SPTBN1: variants seen among roughly 807,000 people sequenced by gnomAD.
SPTBN1 encodes spectrin beta, non-erythrocytic 1, also known as spectrin beta chain, non-erythrocytic 1.
Under a neutral mutation model 266.4 loss-of-function variants are expected in SPTBN1, and 32 were observed. That is an observed-to-expected ratio of 0.12 (90% CI 0.09 to 0.16). SPTBN1 has a LOEUF of 0.16. Ranked by LOEUF, SPTBN1 falls within the 10% of genes least tolerant of loss-of-function variation. The pLI is 1.00. For synonymous variants in SPTBN1, 1,336 were observed against 1,162.2 expected, an observed-to-expected ratio of 1.15 and a Z score of -3.04; for missense variants, 2,296 against 3,067.1, an observed-to-expected ratio of 0.75 and a Z score of 5.94.
chr2:54,497,868 C>T (rs764975661), intron 1 of SPTBN1, among the ~76,000 whole-genome samples: 11 of 152,204 alleles, frequency 7.2e-5, no homozygotes, highest in Non-Finnish European at 1.5e-4. Flanking sequence ...GGTTCCAGCT[C>T]TGCACAGCAG....
intron 11 of SPTBN1, 36 bp downstream of exon 11, chr2:54,624,998 A>G (rs763626454): frequency 1.2e-5 from 19 of 1,537,228 alleles, no homozygotes; most frequent in Admixed American, 2.1e-5. Context: ...GACTGTTGCT[A>G]GGGTAATCTA....
intron 10 of SPTBN1, among the ~76,000 whole-genome samples, chr2:54,624,254 C>T (rs1321964974): frequency 1.3e-5 from 2 of 152,028 alleles, no homozygotes; most frequent in African/African-American, 2.4e-5. Flanking sequence ...GAATTATAGG[C>T]GTGAGCCACT....
intron 3 of SPTBN1, among the ~76,000 whole-genome samples, chr2:54,610,280 A>G (rs539493996): frequency 4.7e-4 from 71 of 152,308 alleles, no homozygotes; most frequent in African/African-American, 1.6e-3. Flanking sequence ...CTGGTGTTAC[A>G]TTCTCCAGCC....
chr2:54,655,323 T>C (rs1418174126), intron 28 of SPTBN1, 115 bp downstream of exon 28: 8 of 1,340,728 alleles, frequency 6.0e-6, no homozygotes, highest in South Asian at 1.5e-5. Flanking sequence ...CACACACACA[T>C]ATGTTTTAAA....
At chr2:54,658,614 G>A (rs923515068) in intron 30 of SPTBN1, among the ~76,000 whole-genome samples, 3 of 152,194 alleles carry the variant, frequency 2.0e-5, no homozygotes, top group African/African-American at 7.2e-5. Context: ...TGTTTAAAAT[G>A]TACCTGCATA....
chr2:54,485,182 C>T (rs961252881), intron 1 of SPTBN1, among the ~76,000 whole-genome samples: 2 of 149,894 alleles, frequency 1.3e-5, no homozygotes, highest in African/African-American at 2.4e-5. Flanking sequence ...CCGTCTCCCT[C>T]TCCGTCTCCC....
intron 2 of SPTBN1, chr2:54,529,354 G>C (rs61746072): frequency 1.6e-6 from 1 of 609,436 alleles, no homozygotes; most frequent in South Asian, 1.5e-5. Context: ...AGATGGCACC[G>C]AAAGTGAAGA....
intron 1 of SPTBN1, among the ~76,000 whole-genome samples, chr2:54,487,070 A>G (rs72915014): frequency 0.032 from 4,858 of 152,064 alleles, 294 homozygotes; most frequent in African/African-American, 0.11. Flanking sequence ...ATCAATTCTG[A>G]ATCTGGTTTA....
chr2:54,523,263 G>A (rs991155582), intron 1 of SPTBN1, among the ~76,000 whole-genome samples: 2 of 152,172 alleles, frequency 1.3e-5, no homozygotes, highest in Admixed American at 6.5e-5. Flanking sequence ...AATTGCTAAC[G>A]TAGGTGTGAA....
chr2:54,488,376 T>C (rs530112906), intron 1 of SPTBN1, among the ~76,000 whole-genome samples: 1 of 152,202 alleles, frequency 6.6e-6, no homozygotes, highest in Non-Finnish European at 1.5e-5. Context: ...AGTCAGTGAC[T>C]CTCTGTTTTC....
Position 54,558,062 on chromosome 2 carries a change from T to G in SPTBN1, c.148+31496T>G. 1.0e-6 allele frequency: 1 copy of G among 985,414 alleles called. No individual in the cohort carries two copies. Among genetic ancestry groups the G allele is most frequent in the Non-Finnish European group, 1.2e-6 (1 of 829,926 alleles). 61.0% of individuals were successfully genotyped at this position (985,414 alleles called of 1,614,324 possible). ...AGGCCGTCCCGTGGGCGCGCTAGCC[T>G]TTTCAAGTGATAGTAATCGGAGACT... On this transcript the variant is annotated intron_variant, in intron 2 of 35. Transcript: ENST00000356805. This position sits in a 1 kb window ranked among gnomAD's most constrained non-coding sequence, Gnocchi z 4.6.
At position 54,558,575 on chromosome 2, in the gene SPTBN1, C is replaced by T. The variant is rs532237578; in HGVS notation, c.148+32009C>T. ...AGAAGGGAAAGCAAGAAATTAGATG[C>T]CTGTGTGGTAACTCCTCGCGGAGCT... On this transcript the variant is annotated intron_variant, in intron 2 of 35. Coordinates refer to ENST00000356805, the MANE Select transcript of SPTBN1 (RefSeq NM_003128.3). This position sits in a 1 kb window ranked among gnomAD's most constrained non-coding sequence, Gnocchi z 4.6. 157 of 1,356,822 alleles carry T rather than the reference C, an allele frequency of 1.2e-4. No individual in the cohort carries two copies. The African/African-American group carries it at 1.7e-3, about 15-fold the overall frequency. The allele number at this position is 1,356,822 out of a possible 1,614,324, so 84.0% of individuals were successfully genotyped here.
chr2:54,547,187 T>C (rs1672295851), intron 2 of SPTBN1, among the ~76,000 whole-genome samples: 1 of 152,216 alleles, frequency 6.6e-6, no homozygotes, highest in South Asian at 2.1e-4. Flanking sequence ...GTTTAACTAC[T>C]CAACATACTG....
intron 2 of SPTBN1, among the ~76,000 whole-genome samples, chr2:54,563,065 A>C (rs977498982): frequency 1.3e-5 from 2 of 152,140 alleles, no homozygotes; most frequent in Non-Finnish European, 2.9e-5. Flanking sequence ...TAACTCATCC[A>C]AGTTCACAGG....
intron 1 of SPTBN1, among the ~76,000 whole-genome samples, chr2:54,510,768 AAG>A (rs1447417305): frequency 6.6e-6 from 1 of 152,234 alleles, no homozygotes; most frequent in African/African-American, 2.4e-5. Context: ...GGAGATTTTA[AAG>A]AAATTCAGAG....
At chr2:54,471,457 C>G (rs2103863168) in intron 1 of SPTBN1, among the ~76,000 whole-genome samples, 1 of 150,132 alleles carries the variant, frequency 6.7e-6, no homozygotes, top group South Asian at 2.1e-4. Flanking sequence ...AAGCTCCATT[C>G]ACTCAGATGG....
At chr2:54,476,486 T>C (rs991998381) in intron 1 of SPTBN1, among the ~76,000 whole-genome samples, 12 of 152,238 alleles carry the variant, frequency 7.9e-5, no homozygotes. Context: ...ATCTGGAGAA[T>C]GCTGGGCTTA....
chr2:54,501,827 T>G (rs1669286242), intron 1 of SPTBN1, among the ~76,000 whole-genome samples: 1 of 152,148 alleles, frequency 6.6e-6, no homozygotes, highest in South Asian at 2.1e-4. Context: ...GGTGGGGGAC[T>G]GGGGAGTTGT....
At position 54,533,770 on chromosome 2, in the gene SPTBN1, C is replaced by T. The variant is rs939372605; in HGVS notation, c.148+7204C>T. On this transcript the variant is annotated intron_variant, in intron 2 of 35. Transcript: ENST00000356805. This position sits in a 1 kb window ranked among gnomAD's most constrained non-coding sequence, Gnocchi z 4.2. ...TTCACCATGTTGGCCAGGCTGGTCTCGAACTCCTGACCCCAGGTGATCCGC... is the reference window on the plus strand; with the variant it reads ...TTCACCATGTTGGCCAGGCTGGTCTTGAACTCCTGACCCCAGGTGATCCGC... Among the ~76,000 whole-genome samples the T allele has an allele frequency of 2.0e-5, 3 of 152,192 alleles. No homozygotes were observed. The highest frequency in any genetic ancestry group is 4.4e-5 in the Non-Finnish European group (3 of 68,012).
Sources: gnomAD v4.1 joint callset for allele counts (sites outside exome capture counted in the v4.1 genomes callset) on GRCh38, gnomAD v4.1.1 for gene constraint, Gnocchi (gnomAD v3.1) non-coding constraint, MANE v1.5 for transcripts, NCBI Gene and HGNC (gene_info 2026-07-23, HGNC 2026-07-21) for gene names.